The following ADGRL3 variants were observed in gnomAD, a reference collection of about 807,000 sequenced individuals.
The protein encoded by ADGRL3 is calcium-independent alpha-latrotoxin receptor 3.
In ADGRL3, 62 loss-of-function variants were observed where a neutral mutation model predicts 153.5. The ratio of observed to expected loss-of-function variants is 0.40; its 90% CI spans 0.33 to 0.50. ADGRL3 has a LOEUF of 0.50. ADGRL3 is among the 20% of genes least tolerant of loss of function. The pLI is 0.47. For synonymous variants in ADGRL3, 710 were observed against 672.5 expected, an observed-to-expected ratio of 1.06 and a Z score of -0.86; for missense variants, 1,641 against 1,859.4, an observed-to-expected ratio of 0.88 and a Z score of 2.16.
intron 6 of ADGRL3, among the ~76,000 whole-genome samples, chr4:61,680,405 CGTGT>C (rs3075156): frequency 0.2 from 28,873 of 143,624 alleles, 2,942 homozygotes; most frequent in East Asian, 0.3. Flanking sequence ...TATACATACT[CGTGT>C]GTGTGTGTGT....
At chr4:61,808,028 C>T (rs1336833029) in intron 8 of ADGRL3, among the ~76,000 whole-genome samples, 2 of 152,168 alleles carry the variant, frequency 1.3e-5, no homozygotes, top group Non-Finnish European at 2.9e-5. Context: ...GTCCCCCATA[C>T]ACTGCCACAG....
chr4:61,638,253 C>A (rs2093514634), intron 5 of ADGRL3, among the ~76,000 whole-genome samples: 1 of 152,086 alleles, frequency 6.6e-6, no homozygotes, highest in African/African-American at 2.4e-5. Flanking sequence ...GAATGACTCT[C>A]AGAAACATAA....
intron 4 of ADGRL3, among the ~76,000 whole-genome samples, chr4:61,551,514 TA>T (rs2098740354): frequency 6.6e-6 from 1 of 152,192 alleles, no homozygotes; most frequent in Admixed American, 6.5e-5. Flanking sequence ...TCCAGCATTT[TA>T]CTCATATGAG....
chr4:62,064,224 G>T (rs191812525), intron 25 of ADGRL3, among the ~76,000 whole-genome samples: 4 of 152,084 alleles, frequency 2.6e-5, no homozygotes, highest in Admixed American at 2.6e-4. Flanking sequence ...GCCTCAGGCA[G>T]GTCATAAAAT....
At chr4:61,256,577 GTTGT>G (rs1329479914) in intron 1 of ADGRL3, among the ~76,000 whole-genome samples, 4 of 151,992 alleles carry the variant, frequency 2.6e-5, no homozygotes, top group Admixed American at 1.3e-4. Flanking sequence ...ATTAGCATCT[GTTGT>G]TTGTTTGTTT....
chr4:61,827,214 A>T (rs2097816691), intron 9 of ADGRL3, among the ~76,000 whole-genome samples: 2 of 152,224 alleles, frequency 1.3e-5, no homozygotes, highest in African/African-American at 4.8e-5. Flanking sequence ...ACCAATGAAA[A>T]GACCGCATTT....
intron 8 of ADGRL3, among the ~76,000 whole-genome samples, chr4:61,758,046 T>C (rs1045872342): frequency 5.3e-5 from 8 of 151,878 alleles, no homozygotes; most frequent in South Asian, 2.1e-4. Flanking sequence ...TCCAACTATG[T>C]GGTCAATTTT....
At chr4:61,687,870 A>G (rs929290258) in intron 6 of ADGRL3, among the ~76,000 whole-genome samples, 1 of 152,054 alleles carries the variant, frequency 6.6e-6, no homozygotes, top group Non-Finnish European at 1.5e-5. Context: ...ATATTTATTG[A>G]CTTACAGTTC....
At chr4:62,044,192 C>T (rs1005073391) in intron 24 of ADGRL3, among the ~76,000 whole-genome samples, 6 of 151,782 alleles carry the variant, frequency 4.0e-5, no homozygotes, top group African/African-American at 1.5e-4. Context: ...TGGTATAGTA[C>T]TTTACATTTA....
In ADGRL3 at chr4:61,754,280, T is replaced by G. The variant is rs894441010; in HGVS notation, c.1399+20726T>G. Among the ~76,000 whole-genome samples the G allele has an allele frequency of 1.2e-4, 18 of 152,206 alleles. 1 individual carries two copies. Among genetic ancestry groups the G allele is most frequent in the African/African-American group, 4.3e-4 (18 of 41,458 alleles). ...TATTCTTATTGAACTTATTCATATA[T>G]TTATATTGCCTTGAAAATAAGAATA... On this transcript the variant is annotated intron_variant, in intron 8 of 26. Coordinates refer to ENST00000683033, the MANE Select transcript of ADGRL3 (RefSeq NM_001387552.1).
chr4:61,822,931 C>T (rs1439547571), intron 9 of ADGRL3, among the ~76,000 whole-genome samples: 1 of 152,150 alleles, frequency 6.6e-6, no homozygotes, highest in Non-Finnish European at 1.5e-5. Flanking sequence ...GGTTGCAGAT[C>T]CAGTGATAAT....
chr4:61,322,751 G>A (rs572337587), intron 1 of ADGRL3, among the ~76,000 whole-genome samples: 1 of 152,318 alleles, frequency 6.6e-6, no homozygotes, highest in African/African-American at 2.4e-5. Context: ...TCAGGGTACA[G>A]CCTCCCTCCC....
chr4:61,788,837 A>G (rs536880535), intron 8 of ADGRL3, among the ~76,000 whole-genome samples: 1 of 152,232 alleles, frequency 6.6e-6, no homozygotes, highest in Non-Finnish European at 1.5e-5. Context: ...GAAACTAATT[A>G]GTGCTTTTTC....
At chr4:61,568,398 C>T (rs1018638055) in intron 4 of ADGRL3, among the ~76,000 whole-genome samples, 10 of 151,818 alleles carry the variant, frequency 6.6e-5, no homozygotes, top group South Asian at 2.1e-4. Context: ...TCAGTGGATC[C>T]GAATTTGTAT....
chr4:61,783,583 T>C, intron 8 of ADGRL3, among the ~76,000 whole-genome samples: 1 of 152,218 alleles, frequency 6.6e-6, no homozygotes, highest in South Asian at 2.1e-4. Context: ...TATTTTATTT[T>C]ATTTATTCAA....
intron 25 of ADGRL3, among the ~76,000 whole-genome samples, chr4:62,049,255 A>T (rs899835191): frequency 6.6e-6 from 1 of 152,104 alleles, no homozygotes; most frequent in Non-Finnish European, 1.5e-5. Context: ...AAAATATTCA[A>T]TTTGAGTGGT....
chr4:61,845,279 C>T (rs575065463), intron 9 of ADGRL3, among the ~76,000 whole-genome samples: 2 of 151,848 alleles, frequency 1.3e-5, no homozygotes, highest in South Asian at 4.2e-4. Flanking sequence ...GCAGATTTCC[C>T]ATTATCTTTT....
intron 4 of ADGRL3, among the ~76,000 whole-genome samples, chr4:61,557,818 TTTTG>T (rs1400402107): frequency 1.2e-4 from 18 of 151,714 alleles, no homozygotes; most frequent in South Asian, 6.2e-4. Flanking sequence ...GTTTGATTGG[TTTTG>T]TTTGTTTGTT....
At chr4:61,643,072 T>G (rs2093767673) in intron 5 of ADGRL3, among the ~76,000 whole-genome samples, 1 of 152,232 alleles carries the variant, frequency 6.6e-6, no homozygotes, top group South Asian at 2.1e-4. Flanking sequence ...AGATCACTCA[T>G]GATTTGGCTC....
Sources: allele counts gnomAD v4.1 joint callset (sites outside exome capture counted in the v4.1 genomes callset), GRCh38; gene constraint gnomAD v4.1.1; transcripts MANE v1.5; gene names NCBI Gene and HGNC (gene_info 2026-07-23, HGNC 2026-07-21).